The following SPOCK1 variants were observed in gnomAD, a reference collection of about 807,000 sequenced individuals.
SPOCK1 encodes SPARC (osteonectin), cwcv and kazal like domains proteoglycan 1, also known as testican-1.
SPOCK1 carries 23 observed loss-of-function variants against 55.3 expected under a neutral mutation model. The observed-to-expected ratio is 0.42, with a 90% CI of 0.30 to 0.59. The LOEUF (loss-of-function observed/expected upper bound fraction) is 0.59, where lower values mean the gene tolerates loss of function less well. SPOCK1 is among the 20% of genes least tolerant of loss of function. The pLI is 0.22. For missense variants in SPOCK1, 499 were observed against 552.5 expected (o/e 0.90, Z 0.97); for synonymous variants, 226 against 221.0 (o/e 1.02, Z -0.20).
At position 137,498,716 on chromosome 5, in the gene SPOCK1, A is replaced by G. The variant is rs1390907316; in HGVS notation, c.1-158T>C. On this transcript the variant is annotated intron_variant, in intron 1 of 10. Coordinates refer to ENST00000394945, the MANE Select transcript of SPOCK1 (RefSeq NM_004598.4). ...GGGCGCCTGTCGCGCCTCTAGACCCAGGGACCCCTCTCACGAATGGGGGAC... is the reference window on the plus strand; with the variant it reads ...GGGCGCCTGTCGCGCCTCTAGACCCGGGGACCCCTCTCACGAATGGGGGAC... 3 of 401,902 alleles carry G rather than the reference A, an allele frequency of 7.5e-6. No individual in the cohort carries two copies. In the East Asian group the frequency reaches 2.3e-4, roughly 31 times the overall value. The allele number at this position is 401,902 out of a possible 1,614,324, so 24.9% of individuals were successfully genotyped here.
intron 2 of SPOCK1, among the ~76,000 whole-genome samples, chr5:137,349,946 A>G (rs1416050888): frequency 6.6e-6 from 1 of 152,270 alleles, no homozygotes; most frequent in East Asian, 1.9e-4. Flanking sequence ...TTTTGGGAGG[A>G]TACAATTCAA....
chr5:137,069,223 T>G (rs1317594612), intron 5 of SPOCK1, among the ~76,000 whole-genome samples: 1 of 152,230 alleles, frequency 6.6e-6, no homozygotes, highest in Non-Finnish European at 1.5e-5. Context: ...TCTAATGTAC[T>G]GAAGTCACTC....
intron 2 of SPOCK1, among the ~76,000 whole-genome samples, chr5:137,413,395 A>G (rs1481728267): frequency 6.6e-6 from 1 of 152,216 alleles, no homozygotes; most frequent in Non-Finnish European, 1.5e-5. Flanking sequence ...GATTTTACCA[A>G]CTTCTCTTAT....
At chr5:137,177,754 A>T (rs1459257041) in intron 3 of SPOCK1, among the ~76,000 whole-genome samples, 1 of 152,094 alleles carries the variant, frequency 6.6e-6, no homozygotes, top group Non-Finnish European at 1.5e-5. Context: ...GAGTCTTTTT[A>T]AGAAGAAATG....
intron 2 of SPOCK1, among the ~76,000 whole-genome samples, chr5:137,403,415 T>G (rs905666363): frequency 6.6e-6 from 1 of 152,104 alleles, no homozygotes; most frequent in African/African-American, 2.4e-5. Context: ...ATGCTTAGGA[T>G]AAAATGGTAA....
intron 2 of SPOCK1, among the ~76,000 whole-genome samples, chr5:137,381,340 A>C (rs1751461098): frequency 1.3e-5 from 2 of 152,178 alleles, no homozygotes; most frequent in African/African-American, 4.8e-5. Context: ...GGGGTCTGGT[A>C]GACGGTAGCC....
chr5:137,224,015 C>A (rs576979976), intron 3 of SPOCK1, among the ~76,000 whole-genome samples: 1 of 152,222 alleles, frequency 6.6e-6, no homozygotes, highest in South Asian at 2.1e-4. Flanking sequence ...ACTAATGATG[C>A]CAGAGAGATT....
At chr5:137,053,892 G>T (rs1462683860) in intron 6 of SPOCK1, among the ~76,000 whole-genome samples, 2 of 152,166 alleles carry the variant, frequency 1.3e-5, no homozygotes, top group East Asian at 3.9e-4. Context: ...AAATAAGAAT[G>T]CAGGTGAGCT....
At chr5:137,110,719 C>A (rs186399049) in intron 5 of SPOCK1, among the ~76,000 whole-genome samples, 70 of 152,280 alleles carry the variant, frequency 4.6e-4, no homozygotes, top group African/African-American at 1.6e-3. Flanking sequence ...CAGAACAGGT[C>A]TGGAGTTAGA....
chr5:137,464,691 T>C (rs553989245), intron 2 of SPOCK1, among the ~76,000 whole-genome samples: 1 of 152,042 alleles, frequency 6.6e-6, no homozygotes, highest in African/African-American at 2.4e-5. Context: ...AAGGAGCAGG[T>C]CTAGGACAAA....
At chr5:137,354,666 G>A (rs573409220) in intron 2 of SPOCK1, among the ~76,000 whole-genome samples, 2 of 152,224 alleles carry the variant, frequency 1.3e-5, no homozygotes, top group South Asian at 4.2e-4. Context: ...GCAAGGGCCC[G>A]GCCATCAACT....
At chr5:137,474,366 T>G (rs527978220) in intron 2 of SPOCK1, among the ~76,000 whole-genome samples, 1 of 152,356 alleles carries the variant, frequency 6.6e-6, no homozygotes, top group Admixed American at 6.5e-5. Flanking sequence ...GAATTAGGTT[T>G]CTCACTGTGC....
At chr5:137,125,464 G>T (rs1000896005) in intron 4 of SPOCK1, among the ~76,000 whole-genome samples, 1 of 152,164 alleles carries the variant, frequency 6.6e-6, no homozygotes, top group South Asian at 2.1e-4. Context: ...GGTATTAGGA[G>T]GTGGGGCCTT....
chr5:137,226,212 T>C (rs1315525997), intron 3 of SPOCK1, among the ~76,000 whole-genome samples: 1 of 152,230 alleles, frequency 6.6e-6, no homozygotes, highest in Non-Finnish European at 1.5e-5. Context: ...GCTAATTCAT[T>C]CCTGGAGTTG....
At chr5:137,492,927 ACACTGGG>A (rs1246818772) in intron 2 of SPOCK1, among the ~76,000 whole-genome samples, 1 of 152,190 alleles carries the variant, frequency 6.6e-6, no homozygotes, top group Non-Finnish European at 1.5e-5. Context: ...TAAACTCTTC[ACACTGGG>A]CACTGTCTTA....
intron 3 of SPOCK1, among the ~76,000 whole-genome samples, chr5:137,226,566 C>T (rs1755950998): frequency 6.6e-6 from 1 of 152,152 alleles, no homozygotes; most frequent in Non-Finnish European, 1.5e-5. Flanking sequence ...AGGGTTAGAT[C>T]CAAACCCCTC....
intron 2 of SPOCK1, among the ~76,000 whole-genome samples, chr5:137,304,590 G>C (rs1757669221): frequency 6.6e-6 from 1 of 152,178 alleles, no homozygotes; most frequent in Admixed American, 6.6e-5. Context: ...CCCTGGTGAG[G>C]TCTGCAACAT....
intron 3 of SPOCK1, among the ~76,000 whole-genome samples, chr5:137,266,746 CT>C (rs11453297): frequency 1.3e-5 from 2 of 151,444 alleles, no homozygotes; most frequent in South Asian, 4.2e-4. Context: ...TCAAATTTCA[CT>C]TTTTTTTTAA....
chr5:137,441,593 T>C (rs959511822), intron 2 of SPOCK1, among the ~76,000 whole-genome samples: 2 of 152,232 alleles, frequency 1.3e-5, no homozygotes, highest in Admixed American at 6.5e-5. Context: ...AAGTGGCTGA[T>C]GGCAGAGCTT....
Sources: gnomAD v4.1 joint callset for allele counts (sites outside exome capture counted in the v4.1 genomes callset) on GRCh38, gnomAD v4.1.1 for gene constraint, MANE v1.5 for transcripts, NCBI Gene and HGNC (gene_info 2026-07-23, HGNC 2026-07-21) for gene names.